The following VPS53 variants were observed in gnomAD, a reference collection of about 807,000 sequenced individuals.
VPS53 encodes VPS53 subunit of GARP complex.
A neutral mutation model predicts 107.0 loss-of-function variants in VPS53; 70 were observed. The ratio of observed to expected loss-of-function variants is 0.65; its 90% CI spans 0.54 to 0.80. The LOEUF is 0.80. VPS53 is among the 30% of genes least tolerant of loss of function. The pLI, the probability that VPS53 is intolerant of heterozygous loss-of-function variation, is 0.00. For synonymous variants in VPS53, 409 were observed against 393.3 expected (o/e 1.04, Z -0.47); for missense variants, 917 against 1,049.4 (o/e 0.87, Z 1.74).
At position 628,173 on chromosome 17, in the gene VPS53, T is replaced by A; in HGVS notation, c.746A>T (p.Asp249Val). The A allele has an allele frequency of 1.2e-6, 2 of 1,614,084 alleles. No individual in the cohort carries two copies. Among genetic ancestry groups the A allele is most frequent in the Non-Finnish European group, 1.7e-6 (2 of 1,180,014 alleles). The change falls in exon 9 of 22, where the codon GAT (aspartate) becomes GTT (valine). Residue 249 changes from aspartate to valine, a missense_variant. By Grantham distance (152) the Asp-to-Val change is radical. Coordinates refer to ENST00000437048, the MANE Select transcript of VPS53 (RefSeq NM_001128159.3). ...GATGATTTCCTGTTTGATCCTGGGA[T>A]CTAGAATATTAGCAACCAGACATGC... ...RDACLVANIL[D>V]PRIKQEIIKK...
intron 5 of VPS53, among the ~76,000 whole-genome samples, chr17:660,923 C>T (rs1187614638): frequency 1.3e-5 from 2 of 152,124 alleles, no homozygotes; most frequent in South Asian, 2.1e-4. Flanking sequence ...CACTTCCCAG[C>T]GCCTCCCATG....
At chr17:714,591 C>T (rs756959823) in intron 1 of VPS53, 32 bp downstream of exon 1, 14 of 1,588,224 alleles carry the variant, frequency 8.8e-6, no homozygotes, top group Non-Finnish European at 3.4e-6. Context: ...TCCCGCACTC[C>T]CGTTTCCCCT....
chr17:562,658 C>G lies in VPS53; in HGVS notation c.1401G>C (p.Val467=), dbSNP rs1913129804. Residue 467 remains valine, a synonymous_variant, in exon 14 of 22, where the codon GTG becomes GTC. Transcript: ENST00000437048. ...CAAAGAGGTCGGCGCAGCTGGGGAG[C>G]ACGGCACCCCCTTCATCAGTGTTGG... ...PKPNTDEGGA[V]LPSCADLFVY... The G allele has an allele frequency of 6.2e-7, 1 of 1,613,730 alleles. No homozygotes were observed. Among genetic ancestry groups the G allele is most frequent in the Non-Finnish European group, 8.5e-7 (1 of 1,179,968 alleles).
chr17:598,064 C>T (rs1224194333), intron 12 of VPS53, among the ~76,000 whole-genome samples: 1 of 151,966 alleles, frequency 6.6e-6, no homozygotes, highest in African/African-American at 2.4e-5. Flanking sequence ...CTCACTGCAA[C>T]CTCCCTGCCT....
At chr17:571,396 T>G (rs976381250) in intron 13 of VPS53, among the ~76,000 whole-genome samples, 1 of 152,178 alleles carries the variant, frequency 6.6e-6, no homozygotes, top group Admixed American at 6.5e-5. Context: ...ATGAAGGCTA[T>G]ACAAGGGCTC....
rs1360997920 is a variant in VPS53 at position 510,971 on chromosome 17, G to C, written c.*8157C>G. 1.3e-5 allele frequency: 2 copies of C among 152,294 alleles called. No individual in the cohort carries two copies. The highest frequency in any genetic ancestry group is 2.9e-5 in the Non-Finnish European group (2 of 68,128). The allele number at this position is 152,294 out of a possible 1,614,324, so 9.4% of individuals were successfully genotyped here. On this transcript the variant is annotated 3_prime_UTR_variant, in exon 22 of 22. Coordinates refer to ENST00000437048, the MANE Select transcript of VPS53 (RefSeq NM_001128159.3). ...TTCTTTGTATAGCATTTGATATTCG[G>C]TGTGGGTATGAGGTTGTGGGGGGCT...
At chr17:692,803 C>T (rs1051985500) in intron 4 of VPS53, among the ~76,000 whole-genome samples, 1 of 152,084 alleles carries the variant, frequency 6.6e-6, no homozygotes, top group South Asian at 2.1e-4. Context: ...GAGTTTGAGA[C>T]CAGCCTGACC....
intron 6 of VPS53, among the ~76,000 whole-genome samples, chr17:654,865 C>G (rs908474223): frequency 5.9e-5 from 9 of 152,128 alleles, no homozygotes; most frequent in Non-Finnish European, 1.0e-4. Flanking sequence ...ACTGCCTGGT[C>G]TGATGGTTTG....
At chr17:671,377 A>AGAGG (rs896611279) in intron 4 of VPS53, among the ~76,000 whole-genome samples, 13 of 143,536 alleles carry the variant, frequency 9.1e-5, no homozygotes, top group African/African-American at 3.0e-4. Context: ...GAAAAGAGAA[A>AGAGG]GAGGGAGGGA....
At chr17:708,163 C>T (rs9912395) in intron 2 of VPS53, among the ~76,000 whole-genome samples, 2,848 of 152,238 alleles carry the variant, frequency 0.019, 104 homozygotes, top group African/African-American at 0.065. Context: ...CAGCTGGGCC[C>T]GGGGCACCAC....
chr17:639,250 C>T (rs532875053), intron 7 of VPS53, among the ~76,000 whole-genome samples: 3 of 152,186 alleles, frequency 2.0e-5, no homozygotes, highest in Non-Finnish European at 4.4e-5. Context: ...GTTCTTGTGC[C>T]ATGGTTTTCA....
rs543543797 is a variant in VPS53, at chr17:565,167, C to G, written c.1314-2422G>C. ...CTGTAATCCCAGCACTTTGGGAAGC[C>G]GGGGCGGGTGGATCACCTGTGGTCG... is the stretch of plus-strand genomic sequence containing the variant. On this transcript the variant is annotated intron_variant, in intron 13 of 21. Coordinates refer to ENST00000437048, the MANE Select transcript of VPS53 (RefSeq NM_001128159.3). 4.6e-5 allele frequency among the ~76,000 whole-genome samples: 7 copies of G among 151,988 alleles called. No homozygotes were observed. The South Asian group carries it at 8.3e-4, about 18-fold the overall frequency.
At chr17:605,149 A>C (rs1480342923) in intron 11 of VPS53, among the ~76,000 whole-genome samples, 1 of 152,130 alleles carries the variant, frequency 6.6e-6, no homozygotes, top group East Asian at 1.9e-4. Flanking sequence ...TCTGCCGCTC[A>C]CTCAACAATG....
intron 17 of VPS53, among the ~76,000 whole-genome samples, chr17:545,123 T>G (rs1911082123): frequency 6.6e-6 from 1 of 152,202 alleles, no homozygotes; most frequent in East Asian, 1.9e-4. Context: ...AAACGTGGTC[T>G]AGAAGTTAAT....
intron 13 of VPS53, among the ~76,000 whole-genome samples, chr17:578,210 T>C (rs1249104701): frequency 2.8e-5 from 4 of 144,488 alleles, no homozygotes; most frequent in Non-Finnish European, 6.1e-5. Context: ...AATGCATTCC[T>C]AGAGAACATC....
At chr17:682,320 G>C (rs182793) in intron 4 of VPS53, among the ~76,000 whole-genome samples, 1 of 152,160 alleles carries the variant, frequency 6.6e-6, no homozygotes, top group Non-Finnish European at 1.5e-5. Context: ...GCAGAAAGCA[G>C]AAAGAGTGCT....
chr17:622,938 T>C (rs1470565747), intron 11 of VPS53, among the ~76,000 whole-genome samples: 1 of 151,904 alleles, frequency 6.6e-6, no homozygotes, highest in Non-Finnish European at 1.5e-5. Context: ...AATCCTGCCT[T>C]GGCCTCCCAA....
Position 680,916 on chromosome 17 carries a change from C to A in VPS53, c.285+16502G>T, listed in dbSNP as rs184683975. Among the ~76,000 whole-genome samples, 198 of 152,216 alleles carry A rather than the reference C, an allele frequency of 1.3e-3. 2 individuals carry two copies. Among genetic ancestry groups the A allele is most frequent in the Admixed American group, 2.7e-3 (41 of 15,288 alleles). ...TTTTTGACCTCAGAATCTCTTTATA[C>A]CCTTGGAAATTTATTGAAAGGGTTT... On this transcript the variant is annotated intron_variant, in intron 4 of 21. Coordinates refer to ENST00000437048, the MANE Select transcript of VPS53 (RefSeq NM_001128159.3).
rs1371163285 is a variant in VPS53 at position 518,623 on chromosome 17, G to A, written c.*505C>T. On this transcript the variant is annotated 3_prime_UTR_variant, in exon 22 of 22. Transcript: ENST00000437048. The stretch of plus-strand genomic sequence containing the variant: ...TGGGAGTAAAGAAATGGAGGAAGGG[G>A]CTGGGCTCGGTGGCTCACGCCTGTA... 3 of 151,914 alleles carry A rather than the reference G, an allele frequency of 2.0e-5. No individual in the cohort carries two copies. The highest frequency in any genetic ancestry group is 7.3e-5 in the African/African-American group (3 of 41,330). 9.4% of individuals were successfully genotyped at this position (151,914 alleles called of 1,614,324 possible).
Sources: gnomAD v4.1 joint callset for allele counts (sites outside exome capture counted in the v4.1 genomes callset) on GRCh38, gnomAD v4.1.1 for gene constraint, MANE v1.5 for transcripts, NCBI Gene and HGNC (gene_info 2026-07-23, HGNC 2026-07-21) for gene names.